Variants in SH3TC2 observed in about 807,000 individuals in gnomAD.
SH3TC2 encodes SH3 domain and tetratricopeptide repeat-containing protein 2.
A neutral mutation model predicts 124.5 loss-of-function variants in SH3TC2; 87 were observed. The ratio of observed to expected loss-of-function variants is 0.70; its 90% confidence interval spans 0.59 to 0.84. The LOEUF is 0.84. Ranked by LOEUF, SH3TC2 falls within the 40% of genes least tolerant of loss-of-function variation. The pLI is 0.00. For missense variants in SH3TC2, 1,536 were observed against 1,566.4 expected (o/e 0.98, Z 0.33); for synonymous variants, 634 against 628.5 (o/e 1.01, Z -0.13).
chr5:149,003,843 C>G lies in SH3TC2; in HGVS notation c.*868G>C. ...TCCAGCCTGGGCAACAGAGGAGAAA[C>G]TGTCTCAAAAAAAAAAAAAAAAAAA... On this transcript the variant is annotated 3_prime_UTR_variant, in exon 17 of 17. Coordinates refer to ENST00000515425, the MANE Select transcript of SH3TC2 (RefSeq NM_024577.4). The G allele has an allele frequency of 3.8e-6, 1 of 260,320 alleles. No homozygotes were observed. Among genetic ancestry groups the G allele is most frequent in the South Asian group, 2.9e-5 (1 of 35,048 alleles). The allele number at this position is 260,320 out of a possible 1,614,324, so 16.1% of individuals were successfully genotyped here.
rs2127397136 is a variant in SH3TC2 at position 149,027,269 on chromosome 5, T to A, written c.2463A>T (p.Pro821=). 2 of 1,614,152 alleles carry A rather than the reference T, an allele frequency of 1.2e-6. No homozygotes were observed. The highest frequency in any genetic ancestry group is 4.5e-5 in the East Asian group (2 of 44,886). ...QAKKALDVLE[P]LLCSLKETES... ...CTGTCTCCTTCAGGGAGCATAGCAG[T>A]GGCTCAAGCACATCCAAAGCCTTCT... Residue 821 remains proline (P), a synonymous_variant, in exon 11 of 17, where the codon CCA becomes CCT. Transcript: ENST00000515425.
Position 149,030,925 on chromosome 5 carries a change from TCAG to T in SH3TC2, c.1135+626_1135+628del, listed in dbSNP as rs1341573201. 1.8e-3 allele frequency among the ~76,000 whole-genome samples: 274 copies of T among 152,324 alleles called. 1 individual carries two copies. Among genetic ancestry groups the T allele is most frequent in the African/African-American group, 6.4e-3 (265 of 41,558 alleles). On this transcript the variant is annotated intron_variant, in intron 9 of 16. Coordinates refer to ENST00000515425, the MANE Select transcript of SH3TC2 (RefSeq NM_024577.4). ...GTAAGAGTATCATTCATTCAGTCAG[TCAG>T]TCCTTCAGACACTGCTCAAAACCAG... is the stretch of plus-strand genomic sequence containing the variant.
rs904061845 is a variant in SH3TC2, at chr5:148,982,718, T to C, written c.*21993A>G. Among the ~76,000 whole-genome samples the C allele has an allele frequency of 3.3e-5, 5 of 152,122 alleles. No homozygotes were observed. The highest frequency in any genetic ancestry group is 9.7e-5 in the African/African-American group (4 of 41,422). On this transcript the variant is annotated 3_prime_UTR_variant, in exon 17 of 17. Transcript: ENST00000515425. ...GAATTGTTTTTATACACACAAAATA[T>C]CCCTGGAAGAATACACAAGAAACTA...
intron 9 of SH3TC2, among the ~76,000 whole-genome samples, 178 bp from the exon 10 acceptor site, chr5:149,028,896 C>T (rs1754133081): frequency 6.6e-6 from 1 of 152,032 alleles, no homozygotes; most frequent in Admixed American, 6.6e-5. Flanking sequence ...GCTGTAGGGG[C>T]CTAATCATCT....
Position 148,985,481 on chromosome 5 carries a change from C to G in SH3TC2, c.*19230G>C, listed in dbSNP as rs1753318339. Among the ~76,000 whole-genome samples, 1 of 152,168 alleles carries G rather than the reference C, an allele frequency of 6.6e-6. No homozygotes were observed. The highest frequency in any genetic ancestry group is 2.1e-4 in the South Asian group (1 of 4,828). ...ACAGTATGTAGCATTTTAAGTCTGA[C>G]TTCCTCTAATTAGCATAATGCATTT... On this transcript the variant is annotated 3_prime_UTR_variant, in exon 17 of 17. Transcript: ENST00000515425.
chr5:149,026,820 C>T (rs749940310), intron 11 of SH3TC2, 40 bp downstream of exon 11: 10 of 1,614,074 alleles, frequency 6.2e-6, no homozygotes, highest in Non-Finnish European at 8.5e-6. Context: ...TGATCCAACA[C>T]TTTTCTCTAT....
Position 149,041,538 on chromosome 5 carries a change from A to C in SH3TC2, c.609T>G (p.Asn203Lys), listed in dbSNP as rs1754371704. Residue 203 changes from asparagine to lysine, a missense_variant, in exon 6 of 17, where the codon AAT (asparagine) becomes AAG (lysine). Asn to Lys is a moderately conservative substitution (Grantham distance 94, BLOSUM62 0). This residue lies in a region of SH3TC2 where 1,102 missense variants were observed against 1,098.6 expected (regional missense o/e 1.00). Coordinates refer to ENST00000515425, the MANE Select transcript of SH3TC2 (RefSeq NM_024577.4). ...CTGCCATCTTCACTGAGATTAACTC[A>C]TTCTTGCAAAGTGTCAAGCATTCCC... ...KEGECLTLCK[N>K]ELISVKMAEA... 1 of 1,614,208 alleles carries C rather than the reference A, an allele frequency of 6.2e-7. No individual in the cohort carries two copies. The highest frequency in any genetic ancestry group is 8.5e-7 in the Non-Finnish European group (1 of 1,180,034).
chr5:148,993,896 T>C lies in SH3TC2; in HGVS notation c.*10815A>G, dbSNP rs1044996514. Among the ~76,000 whole-genome samples the C allele has an allele frequency of 1.1e-4, 17 of 152,338 alleles. No individual in the cohort carries two copies. The highest frequency in any genetic ancestry group is 3.8e-4 in the African/African-American group (16 of 41,586). The stretch of plus-strand genomic sequence containing the variant: ...ATGTCTGTCAACACAATAACAATAA[T>C]AGCCAACACTTATATAACATGGGCC... On this transcript the variant is annotated 3_prime_UTR_variant, in exon 17 of 17. Transcript: ENST00000515425.
At chr5:149,040,110 G>A (rs895336771) in intron 7 of SH3TC2, among the ~76,000 whole-genome samples, 10 of 152,198 alleles carry the variant, frequency 6.6e-5, no homozygotes, top group African/African-American at 1.9e-4. Flanking sequence ...GTGTGTGTGT[G>A]TATATAATTC....
At chr5:149,029,422 T>C (rs140378575) in intron 9 of SH3TC2, among the ~76,000 whole-genome samples, 3,655 of 152,222 alleles carry the variant, frequency 0.024, 76 homozygotes, top group Non-Finnish European at 0.031. Context: ...CAGATAATGA[T>C]GTAGGTCTGG....
intron 5 of SH3TC2, 74 bp downstream of exon 5, chr5:149,042,620 A>G (rs1296809461): frequency 7.6e-6 from 12 of 1,585,114 alleles, no homozygotes; most frequent in Non-Finnish European, 1.0e-5. Context: ...CTCCCTTTGC[A>G]TCCTGCTTAT....
intron 13 of SH3TC2, among the ~76,000 whole-genome samples, chr5:149,011,928 C>G (rs1416342670): frequency 6.6e-6 from 1 of 151,780 alleles, no homozygotes; most frequent in African/African-American, 2.4e-5. Flanking sequence ...TAAATGCTTA[C>G]TATGCATTTA....
chr5:149,048,062 C>T (rs1158075530), intron 2 of SH3TC2, 73 bp from the exon 3 acceptor site: 2 of 1,596,942 alleles, frequency 1.3e-6, no homozygotes, highest in African/African-American at 2.7e-5. Context: ...GATTAGCCCA[C>T]AGTTTCCCCT....
chr5:149,040,455 T>A (rs748926469), intron 7 of SH3TC2, 149 bp downstream of exon 7: 1 of 740,940 alleles, frequency 1.3e-6, no homozygotes, highest in Non-Finnish European at 2.4e-6. Context: ...GAAAACCATG[T>A]GCACAGACAG....
At chr5:149,056,066 T>A (rs538740912) in intron 1 of SH3TC2, among the ~76,000 whole-genome samples, 1 of 152,352 alleles carries the variant, frequency 6.6e-6, no homozygotes, top group East Asian at 1.9e-4. Context: ...ATGGTAAATT[T>A]TTTTTAATCC....
intron 6 of SH3TC2, among the ~76,000 whole-genome samples, 198 bp downstream of exon 6, chr5:149,041,218 T>C (rs1456899554): frequency 6.6e-6 from 1 of 152,112 alleles, no homozygotes; most frequent in African/African-American, 2.4e-5. Flanking sequence ...AAATTTAGAG[T>C]TGTCTCCAAT....
intron 12 of SH3TC2, among the ~76,000 whole-genome samples, chr5:149,015,998 A>G (rs1482440149): frequency 6.6e-6 from 1 of 152,208 alleles, no homozygotes; most frequent in Non-Finnish European, 1.5e-5. Flanking sequence ...TTTGAAACGT[A>G]TCTAAGTTTT....
Position 149,047,726 on chromosome 5 carries a change from T to G in SH3TC2, c.279+136A>C, listed in dbSNP as rs1754488162. 2.6e-6 allele frequency: 3 copies of G among 1,150,694 alleles called. No individual in the cohort carries two copies. The East Asian group carries it at 7.4e-5, about 29-fold the overall frequency. 71.3% of individuals were successfully genotyped at this position (1,150,694 alleles called of 1,614,324 possible). On this transcript the variant is annotated intron_variant, in intron 3 of 16. Transcript: ENST00000515425. ...GTGCAGAGAATGTGCACGGAATCTT[T>G]CATTCATTCAGTCTACCTATTAGAT...
At position 149,047,855 on chromosome 5, in the gene SH3TC2, T is replaced by G. The variant is rs369497644; in HGVS notation, c.279+7A>C. On this transcript the variant is annotated splice_region_variant and intron_variant, in intron 3 of 16. Coordinates refer to ENST00000515425, the MANE Select transcript of SH3TC2 (RefSeq NM_024577.4). ...ACTCAGCATTCACCTGTTTCCTTCA[T>G]GCTCACCTTAAACAGCATGCGCACC... 1 of 1,613,890 alleles carries G rather than the reference T, an allele frequency of 6.2e-7. No individual in the cohort carries two copies. The highest frequency in any genetic ancestry group is 8.5e-7 in the Non-Finnish European group (1 of 1,179,928).
Sources: allele counts gnomAD v4.1 joint callset (sites outside exome capture counted in the v4.1 genomes callset), GRCh38; gene constraint gnomAD v4.1.1; regional missense constraint gnomAD v4.1.1; transcripts MANE v1.5; gene names NCBI Gene and HGNC (gene_info 2026-07-23, HGNC 2026-07-21).